PDE4D: variants seen among roughly 807,000 people sequenced by gnomAD.
PDE4D encodes the protein 3',5'-cyclic-AMP phosphodiesterase 4D.
In PDE4D, 24 loss-of-function variants were observed where a neutral mutation model predicts 87.4. That is an observed-to-expected ratio of 0.27 (90% CI 0.20 to 0.39). PDE4D has a LOEUF of 0.39. Among genes scored for constraint, PDE4D ranks in the 10% least tolerant of loss-of-function variants. The pLI is 1.00. For missense variants in PDE4D, 714 were observed against 1,041.0 expected (o/e 0.69, Z 4.32); for synonymous variants, 384 against 383.2 (o/e 1.00, Z -0.02).
chr5:60,499,588 A>G, intron 1 of PDE4D, among the ~76,000 whole-genome samples: 1 of 152,202 alleles, frequency 6.6e-6, no homozygotes, highest in East Asian at 1.9e-4. Flanking sequence ...GATGTTTTCC[A>G]CAAGAGAAAA....
intron 5 of PDE4D, among the ~76,000 whole-genome samples, chr5:59,140,932 A>T (rs918766842): frequency 8.5e-5 from 13 of 152,192 alleles, no homozygotes; most frequent in African/African-American, 3.1e-4. Flanking sequence ...TCCTTTAAAG[A>T]TAAAAATTAT....
At chr5:60,200,859 C>A (rs1273929494) in intron 1 of PDE4D, among the ~76,000 whole-genome samples, 1 of 151,838 alleles carries the variant, frequency 6.6e-6, no homozygotes, top group Non-Finnish European at 1.5e-5. Flanking sequence ...AGTAATAGAC[C>A]AAGGGAAAAG....
intron 1 of PDE4D, among the ~76,000 whole-genome samples, chr5:59,429,706 G>T (rs890422344): frequency 1.3e-5 from 2 of 152,094 alleles, no homozygotes; most frequent in African/African-American, 4.8e-5. Context: ...AAATTGAGGG[G>T]TGACTTTTGG....
intron 1 of PDE4D, among the ~76,000 whole-genome samples, chr5:59,552,792 A>G (rs1277286876): frequency 6.6e-6 from 1 of 152,210 alleles, no homozygotes; most frequent in African/African-American, 2.4e-5. Flanking sequence ...CTTATTTGAC[A>G]TGAGCATGAA....
chr5:60,321,169 A>G (rs1756228077), intron 1 of PDE4D, among the ~76,000 whole-genome samples: 1 of 152,226 alleles, frequency 6.6e-6, no homozygotes, highest in Admixed American at 6.5e-5. Flanking sequence ...AACAGTAACC[A>G]AAACAGCATG....
chr5:60,208,545 C>A (rs1056212487), intron 1 of PDE4D, among the ~76,000 whole-genome samples: 1 of 152,114 alleles, frequency 6.6e-6, no homozygotes, highest in African/African-American at 2.4e-5. Context: ...ATGGCTCCCC[C>A]TTAGAGGTGT....
intron 1 of PDE4D, among the ~76,000 whole-genome samples, chr5:59,798,995 G>A (rs866673010): frequency 2.0e-5 from 3 of 152,290 alleles, no homozygotes; most frequent in Non-Finnish European, 2.9e-5. Context: ...CAATCTGTAC[G>A]ATGGGGATTG....
At chr5:59,743,022 A>AATGTGTAATGT (rs1195195515) in intron 1 of PDE4D, among the ~76,000 whole-genome samples, 1 of 152,182 alleles carries the variant, frequency 6.6e-6, no homozygotes, top group Admixed American at 6.6e-5. Context: ...TCATTACACC[A>AATGTGTAATGT]GTAGGTGTGC....
intron 1 of PDE4D, among the ~76,000 whole-genome samples, chr5:59,817,659 T>C (rs530656074): frequency 1.3e-5 from 2 of 152,134 alleles, no homozygotes; most frequent in South Asian, 4.1e-4. Flanking sequence ...AGGGTCCTAA[T>C]CTGACCTTAT....
At chr5:59,945,008 A>G (rs959242991) in intron 3 of PDE4D, among the ~76,000 whole-genome samples, 27 of 152,236 alleles carry the variant, frequency 1.8e-4, no homozygotes, top group Non-Finnish European at 3.1e-4. Flanking sequence ...TTTAAGATAT[A>G]CACTGTTACA....
intron 1 of PDE4D, among the ~76,000 whole-genome samples, chr5:60,295,769 T>C (rs1471208447): frequency 6.6e-6 from 1 of 152,162 alleles, no homozygotes; most frequent in Non-Finnish European, 1.5e-5. Flanking sequence ...AATGGGGACT[T>C]GAGTTTTCTG....
At chr5:59,198,281 GA>G (rs1300636807) in intron 2 of PDE4D, among the ~76,000 whole-genome samples, 3 of 151,732 alleles carry the variant, frequency 2.0e-5, no homozygotes, top group Admixed American at 2.0e-4. Context: ...GGAAGGCTCA[GA>G]AAAAAAGTCA....
At chr5:59,337,371 G>A (rs576130378) in intron 1 of PDE4D, among the ~76,000 whole-genome samples, 4 of 128,636 alleles carry the variant, frequency 3.1e-5, no homozygotes, top group East Asian at 2.2e-4. Context: ...TCTCGCTGTC[G>A]CCCAGGCTGG....
chr5:59,442,764 G>T (rs1398840935), intron 1 of PDE4D, among the ~76,000 whole-genome samples: 6 of 152,076 alleles, frequency 3.9e-5, no homozygotes, highest in Admixed American at 3.9e-4. Context: ...TTCTTGTTGG[G>T]GAAATTTTCA....
At chr5:59,431,166 C>T (rs1245169297) in intron 1 of PDE4D, among the ~76,000 whole-genome samples, 1 of 152,096 alleles carries the variant, frequency 6.6e-6, no homozygotes, top group East Asian at 1.9e-4. Flanking sequence ...GAACGAAGAT[C>T]TATGGAATCA....
rs78975238 is a variant in PDE4D, at chr5:60,111,854, G to A, written c.42+73703C>T. On this transcript the variant is annotated intron_variant, in intron 2 of 16. Coordinates refer to the PDE4D transcript ENST00000502484. ...ATTAGTTTTGTTCTCATTTGATATG[G>A]GAATGACAAATACTTTATTCCCAGA... 6.4e-3 allele frequency among the ~76,000 whole-genome samples: 973 copies of A among 151,776 alleles called. 16 individuals carry two copies. The highest frequency in any genetic ancestry group is 0.046 in the East Asian group (236 of 5,172).
At chr5:60,336,158 T>G (rs1757736180) in intron 1 of PDE4D, among the ~76,000 whole-genome samples, 1 of 152,194 alleles carries the variant, frequency 6.6e-6, no homozygotes, top group Non-Finnish European at 1.5e-5. Context: ...AAGGTAAGAC[T>G]TATGGTAGTA....
At chr5:59,542,644 C>G (rs1030487850) in intron 1 of PDE4D, among the ~76,000 whole-genome samples, 10 of 152,120 alleles carry the variant, frequency 6.6e-5, no homozygotes, top group African/African-American at 2.4e-4. Flanking sequence ...TTTCTAAATT[C>G]CAGAACAAAT....
chr5:59,765,626 A>C (rs1177963875), intron 1 of PDE4D, among the ~76,000 whole-genome samples: 3 of 152,124 alleles, frequency 2.0e-5, no homozygotes, highest in Admixed American at 2.0e-4. Flanking sequence ...ATCCTCTTTC[A>C]TGGTCTTTCT....
Sources: allele counts gnomAD v4.1 joint callset (sites outside exome capture counted in the v4.1 genomes callset), GRCh38; gene constraint gnomAD v4.1.1; transcripts MANE v1.5; gene names NCBI Gene and HGNC (gene_info 2026-07-23, HGNC 2026-07-21).